EGFLAM: variants seen among roughly 807,000 people sequenced by gnomAD.
EGFLAM encodes the protein EGF like, fibronectin type III and laminin G domains.
Under a neutral mutation model 113.1 loss-of-function variants are expected in EGFLAM, and 79 were observed. That is an observed-to-expected ratio of 0.70 (90% CI 0.58 to 0.84). EGFLAM has a LOEUF of 0.84. EGFLAM is among the 40% of genes least tolerant of loss of function. The pLI, the probability that EGFLAM is intolerant of heterozygous loss-of-function variation, is 0.00. For missense variants in EGFLAM, 1,265 were observed against 1,291.6 expected (o/e 0.98, Z 0.32); for synonymous variants, 504 against 487.6 (o/e 1.03, Z -0.44).
intron 11 of EGFLAM, among the ~76,000 whole-genome samples, chr5:38,416,392 C>T (rs576400294): frequency 4.8e-4 from 73 of 152,294 alleles, no homozygotes; most frequent in African/African-American, 1.7e-3. Flanking sequence ...CTGCCTGATC[C>T]AGTAGAGGAG....
At chr5:38,405,202 T>C (rs1409066252) in intron 6 of EGFLAM, among the ~76,000 whole-genome samples, 1 of 152,066 alleles carries the variant, frequency 6.6e-6, no homozygotes, top group Non-Finnish European at 1.5e-5. Context: ...ATACAACATA[T>C]AAAAAATATG....
intron 8 of EGFLAM, 101 bp from the exon 9 acceptor site, chr5:38,407,704 G>A (rs1034429599): frequency 2.6e-6 from 2 of 756,680 alleles, no homozygotes; most frequent in Non-Finnish European, 2.2e-6. Context: ...GATTAGTGAG[G>A]GTTCTCACTT....
chr5:38,358,565 T>C (rs1191649948), intron 5 of EGFLAM, among the ~76,000 whole-genome samples: 1 of 152,094 alleles, frequency 6.6e-6, no homozygotes, highest in African/African-American at 2.4e-5. Flanking sequence ...TATGATGATG[T>C]CTTGAGTCAG....
chr5:38,355,909 C>T (rs1739750039), intron 5 of EGFLAM, among the ~76,000 whole-genome samples: 1 of 151,966 alleles, frequency 6.6e-6, no homozygotes, highest in Admixed American at 6.5e-5. Flanking sequence ...TACAGGCACC[C>T]ACCACGATGC....
chr5:38,396,098 C>T (rs776837403), intron 6 of EGFLAM, among the ~76,000 whole-genome samples: 2 of 145,892 alleles, frequency 1.4e-5, no homozygotes, highest in Non-Finnish European at 3.0e-5. Context: ...CCCATCCCAA[C>T]CTGCTCCCAC....
At chr5:38,437,649 C>A (rs889825716) in intron 16 of EGFLAM, among the ~76,000 whole-genome samples, 1 of 152,078 alleles carries the variant, frequency 6.6e-6, no homozygotes, top group African/African-American at 2.4e-5. Flanking sequence ...TCTTAAGAGC[C>A]CGCCAGGTGG....
chr5:38,267,180 C>G (rs2111700909), intron 1 of EGFLAM, among the ~76,000 whole-genome samples: 1 of 152,328 alleles, frequency 6.6e-6, no homozygotes, highest in Admixed American at 6.5e-5. Flanking sequence ...TTGTCTGACT[C>G]TGCAAGTCTT....
chr5:38,269,360 T>TA (rs1228479071), intron 1 of EGFLAM, among the ~76,000 whole-genome samples: 1 of 152,190 alleles, frequency 6.6e-6, no homozygotes. Flanking sequence ...GAATATTCAG[T>TA]AAGGGTTGCT....
At position 38,294,915 on chromosome 5, in the gene EGFLAM, T is replaced by G. The variant is rs534454108; in HGVS notation, c.97+36064T>G. Among the ~76,000 whole-genome samples the G allele has an allele frequency of 7.9e-5, 12 of 152,300 alleles. No individual in the cohort carries two copies. The South Asian group carries it at 2.5e-3, about 32-fold the overall frequency. On this transcript the variant is annotated intron_variant, in intron 1 of 21. Transcript: ENST00000322350. Reference sequence around the variant, plus strand: ...GTCTCGGCTCACCACAACCTCTGCCTCCTGGGTTCAAGCGATTCTCCTGCC... The same window carrying G: ...GTCTCGGCTCACCACAACCTCTGCCGCCTGGGTTCAAGCGATTCTCCTGCC...
chr5:38,305,493 T>C (rs1025514482), intron 1 of EGFLAM: 1 of 454,528 alleles, frequency 2.2e-6, no homozygotes, highest in Non-Finnish European at 4.4e-6. Context: ...GGACCAAAGC[T>C]GCAGGAAACA....
At chr5:38,433,561 G>A (rs562825510) in intron 15 of EGFLAM, among the ~76,000 whole-genome samples, 2 of 152,284 alleles carry the variant, frequency 1.3e-5, no homozygotes, top group East Asian at 1.9e-4. Context: ...GCTGCATGAC[G>A]ATTTTGATGA....
intron 1 of EGFLAM, among the ~76,000 whole-genome samples, 181 bp downstream of exon 1, chr5:38,259,032 G>C (rs1757431993): frequency 6.6e-6 from 1 of 152,238 alleles, no homozygotes; most frequent in Non-Finnish European, 1.5e-5. Context: ...AGCCCGGGCG[G>C]CGCTAGGGAT....
In EGFLAM at chr5:38,308,775, A is replaced by G. The variant is rs529020603; in HGVS notation, c.98-28745A>G. On this transcript the variant is annotated intron_variant, in intron 1 of 21. Transcript: ENST00000322350. ...GCCCATCTCACCAAGGTAGTCAGAC[A>G]GAAGAGCACTGTGGGAGAAGAAAGA... Among the ~76,000 whole-genome samples, 12 of 152,356 alleles carry G rather than the reference A, an allele frequency of 7.9e-5. 1 individual carries two copies. Among genetic ancestry groups the G allele is most frequent in the African/African-American group, 2.9e-4 (12 of 41,588 alleles).
chr5:38,395,882 C>T (rs1740946350), intron 6 of EGFLAM, among the ~76,000 whole-genome samples: 1 of 152,116 alleles, frequency 6.6e-6, no homozygotes, highest in African/African-American at 2.4e-5. Flanking sequence ...CCCTGTCTCT[C>T]CAAATGATTT....
intron 1 of EGFLAM, among the ~76,000 whole-genome samples, chr5:38,303,546 G>A (rs1170162216): frequency 1.3e-5 from 2 of 152,176 alleles, no homozygotes; most frequent in African/African-American, 4.8e-5. Context: ...GAGCTGAATT[G>A]CTAGGCAATA....
chr5:38,327,831 T>C (rs1226837423), intron 1 of EGFLAM, among the ~76,000 whole-genome samples: 1 of 152,216 alleles, frequency 6.6e-6, no homozygotes, highest in East Asian at 1.9e-4. Flanking sequence ...TTACTGGTTT[T>C]CCCACTACTG....
chr5:38,432,965 T>A (rs1463961842), intron 15 of EGFLAM, among the ~76,000 whole-genome samples: 1 of 152,154 alleles, frequency 6.6e-6, no homozygotes, highest in Admixed American at 6.5e-5. Flanking sequence ...GACTGGAGTT[T>A]TAAAGAAAAA....
chr5:38,270,289 C>T (rs1465129416), intron 1 of EGFLAM, among the ~76,000 whole-genome samples: 1 of 152,186 alleles, frequency 6.6e-6, no homozygotes, highest in African/African-American at 2.4e-5. Context: ...ATCTCAAGGA[C>T]CACCCAGATG....
intron 4 of EGFLAM, among the ~76,000 whole-genome samples, chr5:38,351,146 T>C (rs546021711): frequency 3.9e-4 from 58 of 148,920 alleles, no homozygotes; most frequent in African/African-American, 1.1e-3. Context: ...TCTCACTCTG[T>C]CACCCAGGCT....
Sources: gnomAD v4.1 joint callset for allele counts (sites outside exome capture counted in the v4.1 genomes callset) on GRCh38, gnomAD v4.1.1 for gene constraint, MANE v1.5 for transcripts, NCBI Gene and HGNC (gene_info 2026-07-23, HGNC 2026-07-21) for gene names.